ZNF613: variants seen among roughly 807,000 people sequenced by gnomAD.
ZNF613 encodes the protein zinc finger protein 613.
ZNF613 carries 8 observed loss-of-function variants against 14.3 expected under a neutral mutation model. The observed-to-expected ratio is 0.56, with a 90% CI of 0.33 to 1.01. The LOEUF is 1.01. Ranked by LOEUF, ZNF613 falls within the 50% of genes least tolerant of loss-of-function variation. ZNF613 has a pLI of 0.03. For missense variants in ZNF613, 656 were observed against 741.9 expected, an observed-to-expected ratio of 0.88 and a Z score of 1.35; for synonymous variants, 228 against 254.5, an observed-to-expected ratio of 0.90 and a Z score of 0.99.
intron 2 of ZNF613, among the ~76,000 whole-genome samples, chr19:51,932,008 C>T (rs994037448): frequency 1.3e-5 from 2 of 152,060 alleles, no homozygotes; most frequent in African/African-American, 4.8e-5. Flanking sequence ...ATTTATTAGG[C>T]AAAAGAGATA....
chr19:51,937,111 C>T (rs1165860754), intron 3 of ZNF613, among the ~76,000 whole-genome samples: 1 of 152,176 alleles, frequency 6.6e-6, no homozygotes, highest in East Asian at 1.9e-4. Context: ...CCCTGTGCAG[C>T]TTTTCCATTG....
intron 2 of ZNF613, among the ~76,000 whole-genome samples, chr19:51,930,774 C>G (rs957406325): frequency 6.6e-6 from 1 of 151,894 alleles, no homozygotes; most frequent in African/African-American, 2.4e-5. Context: ...GTTTTTATTT[C>G]TCTTATATAT....
At chr19:51,932,222 C>T (rs546059809) in intron 2 of ZNF613, among the ~76,000 whole-genome samples, 1 of 151,078 alleles carries the variant, frequency 6.6e-6, no homozygotes, top group Admixed American at 6.6e-5. Flanking sequence ...TCGTGATAAA[C>T]AGTTTGCTGT....
chr19:51,928,428 C>T (rs1027607445), intron 1 of ZNF613, among the ~76,000 whole-genome samples: 1 of 152,190 alleles, frequency 6.6e-6, no homozygotes, highest in Non-Finnish European at 1.5e-5. Flanking sequence ...TCAGGTCCAA[C>T]GGTACATTCC....
chr19:51,930,266 AT>A (rs879617654), intron 2 of ZNF613, among the ~76,000 whole-genome samples: 81 of 145,984 alleles, frequency 5.5e-4, no homozygotes, highest in Non-Finnish European at 4.4e-4. Flanking sequence ...ACATAGCATA[AT>A]TTTTTTTTTT....
In ZNF613 at chr19:51,945,506, A is replaced by C; in HGVS notation, c.1623A>C (p.Val541=). The part of the protein sequence containing the change: ...KGMLHAREKC[V]GSVKLENPCS... ...TGCTGCATGCAAGAGAGAAATGTGT[A>C]GGTTCAGTCAAATTGGAAAATCCTT... is the stretch of plus-strand genomic sequence containing the variant. Residue 541 remains valine (V), a synonymous_variant, in exon 6 of 6, where the codon GTA becomes GTC. Transcript: ENST00000293471. 6.2e-7 allele frequency: 1 copy of C among 1,614,230 alleles called. No individual in the cohort carries two copies. The highest frequency in any genetic ancestry group is 8.5e-7 in the Non-Finnish European group (1 of 1,180,030).
chr19:51,941,319 C>T lies in ZNF613; in HGVS notation c.235+610C>T, dbSNP rs190045428. Among the ~76,000 whole-genome samples the T allele has an allele frequency of 1.4e-4, 22 of 152,228 alleles. No individual in the cohort carries two copies. In the East Asian group the frequency reaches 3.3e-3, roughly 23 times the overall value. ...TTCTCAAATCTCATCATTTCTTGTT[C>T]CCCCATCAGAGCATCACTACCTGTT... On this transcript the variant is annotated intron_variant, in intron 5 of 5. Transcript: ENST00000293471.
In ZNF613 at chr19:51,945,416, G is replaced by GT. The variant is rs777193517; in HGVS notation, c.1534dup (p.Tyr512LeufsTer5). ...GGAGAACTCATACAGGGGAGAGACC[G>GT]TATGGATGCTCTGATTGTGGGAAAG... On this transcript the variant is annotated frameshift_variant, in exon 6 of 6. Transcript: ENST00000293471. LOFTEE classifies it low-confidence loss of function (END_TRUNC). The GT allele has an allele frequency of 3.7e-5, 60 of 1,613,890 alleles. No individual in the cohort carries two copies. The South Asian group carries it at 4.2e-4, about 11-fold the overall frequency.
Position 51,944,944 on chromosome 19 carries a change from G to T in ZNF613, c.1061G>T (p.Arg354Leu), listed in dbSNP as rs758475916. ...TGCACTGAATGTGACAAAGCATTCCGCTGGAAATCACAGCTCAATGCACAT... is the reference window on the plus strand; with the variant it reads ...TGCACTGAATGTGACAAAGCATTCCTCTGGAAATCACAGCTCAATGCACAT... ...YECTECDKAF[R>L]WKSQLNAHQK... Residue 354 changes from arginine (R) to leucine (L), a missense_variant, in exon 6 of 6, where the codon CGC becomes CTC. By Grantham distance (102) the Arg-to-Leu change is moderately radical. Coordinates refer to ENST00000293471, the MANE Select transcript of ZNF613 (RefSeq NM_001031721.4). 1 of 1,613,920 alleles carries T rather than the reference G, an allele frequency of 6.2e-7. No individual in the cohort carries two copies. The highest frequency in any genetic ancestry group is 8.5e-7 in the Non-Finnish European group (1 of 1,180,028).
Position 51,946,188 on chromosome 19 carries a change from A to G in ZNF613, c.*451A>G, listed in dbSNP as rs1568468807. 1 of 161,790 alleles carries G rather than the reference A, an allele frequency of 6.2e-6. No individual in the cohort carries two copies. The highest frequency in any genetic ancestry group is 1.4e-5 in the Non-Finnish European group (1 of 73,464). The allele number at this position is 161,790 out of a possible 1,614,324, so 10.0% of individuals were successfully genotyped here. A position where few individuals can be genotyped will look rare whatever the true frequency, so the allele number is the denominator to read the frequency against. ...GTAACTAGAACATCTTCATCAAAAT[A>G]TGAAAGAACACACGAAGCAAATAAG... is the stretch of plus-strand genomic sequence containing the variant. On this transcript the variant is annotated 3_prime_UTR_variant, in exon 6 of 6. Coordinates refer to ENST00000293471, the MANE Select transcript of ZNF613 (RefSeq NM_001031721.4).
At chr19:51,940,456 G>C in intron 4 of ZNF613, 121 bp downstream of exon 4, 1 of 1,558,316 alleles carries the variant, frequency 6.4e-7, no homozygotes, top group Non-Finnish European at 8.8e-7. Flanking sequence ...TACCCTCTCT[G>C]GCCCCAGATA....
At chr19:51,938,005 A>C (rs2085318159) in intron 3 of ZNF613, among the ~76,000 whole-genome samples, 1 of 152,186 alleles carries the variant, frequency 6.6e-6, no homozygotes, top group East Asian at 1.9e-4. Flanking sequence ...TGTTGAGATT[A>C]CAGGCATGAG....
At chr19:51,928,763 G>A (rs1247244563) in intron 1 of ZNF613, among the ~76,000 whole-genome samples, 7 of 151,406 alleles carry the variant, frequency 4.6e-5, no homozygotes, top group African/African-American at 1.7e-4. Context: ...GCTGAGGTGG[G>A]ACGATCACGT....
In ZNF613 at chr19:51,930,071, T is replaced by C. The variant is rs532710900; in HGVS notation, c.-194+175T>C. Among the ~76,000 whole-genome samples, 3 of 152,246 alleles carry C rather than the reference T, an allele frequency of 2.0e-5. No homozygotes were observed. The East Asian group carries it at 5.8e-4, about 29-fold the overall frequency. On this transcript the variant is annotated intron_variant, in intron 2 of 5. Transcript: ENST00000293471. ...TCAACTTTAGAACATTTTCATCACTTAAAAAGAAACCCTGTACCCTTTTGT... is the reference window on the plus strand; with the variant it reads ...TCAACTTTAGAACATTTTCATCACTCAAAAAGAAACCCTGTACCCTTTTGT...
chr19:51,945,391 G>A lies in ZNF613; in HGVS notation c.1508G>A (p.Arg503Gln), dbSNP rs761317532. The stretch of plus-strand genomic sequence containing the variant: ...GATAAATCATGTCTCAACAGACATC[G>A]GAGAACTCATACAGGGGAGAGACCG... ...FRDKSCLNRH[R>Q]RTHTGERPYG... Residue 503 changes from arginine to glutamine, a missense_variant, in exon 6 of 6, where the codon CGG (arginine) becomes CAG (glutamine). Transcript: ENST00000293471. 6.6e-5 allele frequency: 106 copies of A among 1,613,496 alleles called. No homozygotes were observed. The highest frequency in any genetic ancestry group is 2.0e-4 in the East Asian group (9 of 44,872).
chr19:51,944,305 G>C lies in ZNF613; in HGVS notation c.422G>C (p.Ser141Thr). 6.3e-7 allele frequency: 1 copy of C among 1,595,844 alleles called. No homozygotes were observed. The highest frequency in any genetic ancestry group is 2.2e-5 in the East Asian group (1 of 44,514). Reference sequence around the variant, plus strand: ...GGGAAAATACTGAAATCAAATTTAAGTTTAGTCAACCAGAACAAAAGGTAT... The same window carrying C: ...GGGAAAATACTGAAATCAAATTTAACTTTAGTCAACCAGAACAAAAGGTAT... ...LHGKILKSNL[S>T]LVNQNKRYEI... The change falls in exon 6 of 6, where the codon AGT becomes ACT. Residue 141 changes from serine (S) to threonine (T), a missense_variant. Physicochemically the swap from Ser to Thr is moderately conservative, Grantham distance 58. Transcript: ENST00000293471.
At chr19:51,931,213 C>T (rs1599901936) in intron 2 of ZNF613, among the ~76,000 whole-genome samples, 1 of 152,248 alleles carries the variant, frequency 6.6e-6, no homozygotes, top group East Asian at 1.9e-4. Context: ...ATTTCCTTTA[C>T]AAAAATTTCC....
chr19:51,940,477 A>G, intron 4 of ZNF613, 140 bp from the exon 5 acceptor site: 2 of 1,507,272 alleles, frequency 1.3e-6, no homozygotes, highest in South Asian at 2.4e-5. Flanking sequence ...AAAGAGTGTA[A>G]TGTGCCCCCT....
intron 2 of ZNF613, among the ~76,000 whole-genome samples, chr19:51,933,597 C>G (rs2085283801): frequency 1.3e-5 from 2 of 151,874 alleles, no homozygotes; most frequent in South Asian, 4.2e-4. Flanking sequence ...GCATGAGCCA[C>G]TGCACTCAGC....
Sources: allele counts gnomAD v4.1 joint callset (sites outside exome capture counted in the v4.1 genomes callset), GRCh38; gene constraint gnomAD v4.1.1; transcripts MANE v1.5; gene names NCBI Gene and HGNC (gene_info 2026-07-23, HGNC 2026-07-21).